The following RAB3B variants were observed in gnomAD, a reference collection of about 807,000 sequenced individuals.
RAB3B encodes the protein ras-related protein Rab-3B.
Under a neutral mutation model 20.5 loss-of-function variants are expected in RAB3B, and 11 were observed. That is an observed-to-expected ratio of 0.54 (90% confidence interval 0.34 to 0.89). The LOEUF (loss-of-function observed/expected upper bound fraction) is 0.89. RAB3B is among the 40% of genes least tolerant of loss of function. The pLI is 0.02. For synonymous variants in RAB3B, 99 were observed against 106.3 expected (o/e 0.93, Z 0.42); for missense variants, 225 against 280.9 (o/e 0.80, Z 1.42).
chr1:51,950,140 A>G (rs938054186), intron 2 of RAB3B, among the ~76,000 whole-genome samples: 4 of 152,316 alleles, frequency 2.6e-5, no homozygotes, highest in Non-Finnish European at 4.4e-5. Flanking sequence ...AAAAAGCATT[A>G]TTCAAAAAGA....
chr1:51,928,454 C>G (rs943567052), intron 4 of RAB3B, among the ~76,000 whole-genome samples: 2 of 152,212 alleles, frequency 1.3e-5, no homozygotes, highest in Non-Finnish European at 2.9e-5. Context: ...ATAGTCTTGA[C>G]TGAGAGAGCT....
chr1:51,953,626 A>T (rs1395343663), intron 2 of RAB3B, among the ~76,000 whole-genome samples: 6 of 152,124 alleles, frequency 3.9e-5, no homozygotes, highest in Admixed American at 2.0e-4. Flanking sequence ...CAACATACTA[A>T]CACGTCTCTA....
rs1683942716 is a variant in RAB3B, at chr1:51,908,068, G to A, written c.*11859C>T. On this transcript the variant is annotated 3_prime_UTR_variant, in exon 5 of 5. Coordinates refer to ENST00000371655, the MANE Select transcript of RAB3B (RefSeq NM_002867.4). ...ATAAAACAGATCAACACAGAACAAGGAAACACCATAGATATTTGTAAATGA... is the reference window on the plus strand; with the variant it reads ...ATAAAACAGATCAACACAGAACAAGAAAACACCATAGATATTTGTAAATGA... 6.6e-6 allele frequency: 1 copy of A among 152,078 alleles called. No homozygotes were observed. The highest frequency in any genetic ancestry group is 6.6e-5 in the Admixed American group (1 of 15,250). The allele number at this position is 152,078 out of a possible 1,614,324, so 9.4% of individuals were successfully genotyped here.
In RAB3B at chr1:51,920,020, A is replaced by G; in HGVS notation, c.567T>C (p.Asp189=). ...LVDAICDKMS[D]SLDTDPSMLG... is the part of the protein sequence containing the mutation. ...GCATCGACGGGTCTGTGTCCAGCGA[A>G]TCAGACATCTTGTCACAAATGGCAT... The change falls in exon 5 of 5, where the codon GAT becomes GAC. Residue 189 remains aspartate (D), a synonymous_variant. Transcript: ENST00000371655. 1 of 1,614,192 alleles carries G rather than the reference A, an allele frequency of 6.2e-7. No individual in the cohort carries two copies. Among genetic ancestry groups the G allele is most frequent in the Non-Finnish European group, 8.5e-7 (1 of 1,180,020 alleles).
intron 4 of RAB3B, among the ~76,000 whole-genome samples, chr1:51,927,792 G>A (rs1048791055): frequency 2.0e-5 from 3 of 152,146 alleles, no homozygotes; most frequent in Non-Finnish European, 4.4e-5. Context: ...GACAGAGCAA[G>A]ATCTTGCCTC....
At chr1:51,974,783 C>T (rs1684984966) in intron 2 of RAB3B, among the ~76,000 whole-genome samples, 1 of 152,182 alleles carries the variant, frequency 6.6e-6, no homozygotes, top group South Asian at 2.1e-4. Context: ...GTAGTACCTA[C>T]TTCATAGTGT....
At chr1:51,935,631 G>A (rs982811955) in intron 3 of RAB3B, among the ~76,000 whole-genome samples, 2 of 152,070 alleles carry the variant, frequency 1.3e-5, no homozygotes, top group Non-Finnish European at 2.9e-5. Context: ...GTGTTCCTGA[G>A]GCAGAATGAA....
intron 2 of RAB3B, among the ~76,000 whole-genome samples, chr1:51,944,340 C>T (rs1216951956): frequency 2.0e-5 from 3 of 152,170 alleles, no homozygotes; most frequent in Admixed American, 2.0e-4. Flanking sequence ...TGTGCCTGGT[C>T]ACCCAAGATA....
intron 2 of RAB3B, among the ~76,000 whole-genome samples, chr1:51,951,795 C>G (rs960632749): frequency 1.7e-4 from 26 of 152,094 alleles, no homozygotes; most frequent in African/African-American, 5.1e-4. Flanking sequence ...GCCTGGGTGA[C>G]AGAGCAAGAC....
chr1:51,951,281 G>C (rs1557969985), intron 2 of RAB3B, among the ~76,000 whole-genome samples: 1 of 152,130 alleles, frequency 6.6e-6, no homozygotes, highest in Non-Finnish European at 1.5e-5. Context: ...CCAATGGGCA[G>C]TTTTGCAGCC....
At chr1:51,935,648 C>T (rs1358870716) in intron 3 of RAB3B, among the ~76,000 whole-genome samples, 2 of 151,966 alleles carry the variant, frequency 1.3e-5, no homozygotes, top group African/African-American at 4.8e-5. Context: ...TGAACAGAGA[C>T]TGAGGGAGGA....
chr1:51,983,070 A>G lies in RAB3B; in HGVS notation c.1-5953T>C, dbSNP rs528923183. Among the ~76,000 whole-genome samples, 14 of 152,146 alleles carry G rather than the reference A, an allele frequency of 9.2e-5. No homozygotes were observed. In the South Asian group the frequency reaches 2.9e-3, roughly 32 times the overall value. ...CATTTTTTATCTCTTATACCATATTATGCCTGGGTGCAGTGGCTCACACCT... is the reference window on the plus strand; with the variant it reads ...CATTTTTTATCTCTTATACCATATTGTGCCTGGGTGCAGTGGCTCACACCT... On this transcript the variant is annotated intron_variant, in intron 1 of 4. Coordinates refer to ENST00000371655, the MANE Select transcript of RAB3B (RefSeq NM_002867.4).
intron 2 of RAB3B, among the ~76,000 whole-genome samples, chr1:51,970,775 G>A (rs1684918237): frequency 6.6e-6 from 1 of 151,776 alleles, no homozygotes; most frequent in Non-Finnish European, 1.5e-5. Context: ...GGAGGCCGAG[G>A]CGGGCAGATC....
chr1:51,976,586 G>A (rs372316994), intron 2 of RAB3B, among the ~76,000 whole-genome samples: 70 of 152,308 alleles, frequency 4.6e-4, no homozygotes, highest in African/African-American at 1.5e-3. Flanking sequence ...TCCATGACTA[G>A]TAAGTGGTAG....
chr1:51,950,101 C>T (rs999340091), intron 2 of RAB3B, among the ~76,000 whole-genome samples: 1 of 152,114 alleles, frequency 6.6e-6, no homozygotes, highest in Non-Finnish European at 1.5e-5. Context: ...GCCATGAGTA[C>T]TACTGGAAAA....
At chr1:51,962,086 C>T (rs1684791480) in intron 2 of RAB3B, among the ~76,000 whole-genome samples, 1 of 152,182 alleles carries the variant, frequency 6.6e-6, no homozygotes, top group South Asian at 2.1e-4. Flanking sequence ...GCCAGATAGA[C>T]CCTGATTCAA....
intron 4 of RAB3B, 119 bp from the exon 5 acceptor site, chr1:51,920,233 G>T: frequency 1.1e-6 from 1 of 871,898 alleles, no homozygotes; most frequent in Non-Finnish European, 1.7e-6. Context: ...GAAGCAAAGA[G>T]GCTAAATTCC....
chr1:51,948,087 A>G (rs1341087105), intron 2 of RAB3B, among the ~76,000 whole-genome samples: 1 of 152,168 alleles, frequency 6.6e-6, no homozygotes, highest in Non-Finnish European at 1.5e-5. Context: ...ACACTTCCTT[A>G]ACTCTTACAG....
At chr1:51,987,347 T>G (rs1374762678) in intron 1 of RAB3B, among the ~76,000 whole-genome samples, 2 of 152,224 alleles carry the variant, frequency 1.3e-5, no homozygotes, top group African/African-American at 4.8e-5. Context: ...TCAGTGATCC[T>G]GTAAACTTAG....
Sources: gnomAD v4.1 joint callset for allele counts (sites outside exome capture counted in the v4.1 genomes callset) on GRCh38, gnomAD v4.1.1 for gene constraint, MANE v1.5 for transcripts, NCBI Gene and HGNC (gene_info 2026-07-23, HGNC 2026-07-21) for gene names.